Variants in GSAP observed in about 807,000 individuals in gnomAD.
The protein encoded by GSAP is gamma-secretase activating protein.
In GSAP, 118 loss-of-function variants were observed where a neutral mutation model predicts 131.7. The observed-to-expected ratio is 0.90, with a 90% confidence interval of 0.77 to 1.04. The LOEUF is 1.04. Among genes scored for constraint, GSAP ranks in the 50% least tolerant of loss-of-function variants. GSAP has a pLI of 0.00. For synonymous variants in GSAP, 381 were observed against 363.4 expected (o/e 1.05, Z -0.55); for missense variants, 1,019 against 1,013.2 (o/e 1.01, Z -0.08).
At position 77,360,842 on chromosome 7, in the gene GSAP, T is replaced by C; in HGVS notation, c.1009A>G (p.Ile337Val). 1 of 1,590,226 alleles carries C rather than the reference T, an allele frequency of 6.3e-7. No individual in the cohort carries two copies. The highest frequency in any genetic ancestry group is 1.3e-5 in the African/African-American group (1 of 74,248). The change falls in exon 14 of 31, where the codon ATT becomes GTT. Residue 337 changes from isoleucine (I) to valine (V), a missense_variant. Ile to Val is a conservative substitution (Grantham distance 29, BLOSUM62 3). Transcript: ENST00000257626. ...ENVGSHMTKGITFLNLDYYVA... is the reference protein window; with the variant it reads ...ENVGSHMTKGVTFLNLDYYVA... ...CACTCACCAAGGTTGAGAAAAGTAATGCCCTTTGTCATGTGTGACCCAACA... is the reference window on the plus strand; with the variant it reads ...CACTCACCAAGGTTGAGAAAAGTAACGCCCTTTGTCATGTGTGACCCAACA...
At chr7:77,378,628 T>C (rs964441741) in intron 8 of GSAP, among the ~76,000 whole-genome samples, 20 of 151,986 alleles carry the variant, frequency 1.3e-4, no homozygotes, top group African/African-American at 4.8e-4. Context: ...ATCAGGAGAT[T>C]CTAGAAACCA....
chr7:77,399,494 C>G (rs1583868625), intron 3 of GSAP, among the ~76,000 whole-genome samples: 1 of 152,150 alleles, frequency 6.6e-6, no homozygotes, highest in East Asian at 1.9e-4. Context: ...TGTATCCAAC[C>G]AGTTTAGGTC....
intron 23 of GSAP, among the ~76,000 whole-genome samples, chr7:77,324,221 G>A (rs1788023438): frequency 2.0e-5 from 3 of 152,308 alleles, no homozygotes; most frequent in East Asian, 3.9e-4. Context: ...CCTCTACACA[G>A]TGGCCACAGA....
At chr7:77,368,068 T>C (rs1316350959) in intron 12 of GSAP, among the ~76,000 whole-genome samples, 2 of 152,166 alleles carry the variant, frequency 1.3e-5, no homozygotes, top group Non-Finnish European at 2.9e-5. Flanking sequence ...CATTTCTAAT[T>C]GTGTTTATTT....
At chr7:77,340,931 C>T (rs1790819050) in intron 19 of GSAP, among the ~76,000 whole-genome samples, 1 of 152,108 alleles carries the variant, frequency 6.6e-6, no homozygotes, top group African/African-American at 2.4e-5. Context: ...CAACCTTCCA[C>T]CCTCCATTCC....
intron 1 of GSAP, among the ~76,000 whole-genome samples, chr7:77,409,000 C>G (rs1802806777): frequency 6.6e-6 from 1 of 152,098 alleles, no homozygotes; most frequent in African/African-American, 2.4e-5. Context: ...CTCTCTTCCC[C>G]ACCCCTCACA....
intron 16 of GSAP, among the ~76,000 whole-genome samples, chr7:77,354,095 G>C (rs147641314): frequency 1.3e-5 from 2 of 152,108 alleles, no homozygotes; most frequent in Non-Finnish European, 2.9e-5. Context: ...CCTCCTGAGG[G>C]AGGGATAATC....
At chr7:77,361,346 T>TA (rs1271555619) in intron 13 of GSAP, among the ~76,000 whole-genome samples, 1 of 152,198 alleles carries the variant, frequency 6.6e-6, no homozygotes, top group East Asian at 1.9e-4. Context: ...ATAACCTCAG[T>TA]ATATTGGCCT....
chr7:77,328,379 G>C, intron 22 of GSAP: 1 of 1,278,748 alleles, frequency 7.8e-7, no homozygotes, highest in East Asian at 3.1e-5. Flanking sequence ...ATCACCCAGG[G>C]ACTCCCATCG....
intron 17 of GSAP, 126 bp from the exon 18 acceptor site, chr7:77,353,152 A>C: frequency 1.6e-6 from 1 of 631,252 alleles, no homozygotes; most frequent in Admixed American, 2.7e-5. Flanking sequence ...CATCCTCAAA[A>C]CGGTAACCAT....
chr7:77,390,461 A>G (rs541826032), intron 5 of GSAP, among the ~76,000 whole-genome samples: 18 of 152,266 alleles, frequency 1.2e-4, no homozygotes, highest in Admixed American at 8.5e-4. Context: ...TAATTTTTGT[A>G]TAAGGTGTAA....
chr7:77,402,413 T>A lies in GSAP; in HGVS notation c.243+2146A>T, dbSNP rs779223544. Among the ~76,000 whole-genome samples the A allele has an allele frequency of 3.0e-3, 395 of 131,062 alleles. 1 individual carries two copies. Among genetic ancestry groups the A allele is most frequent in the African/African-American group, 5.5e-3 (184 of 33,198 alleles). The allele number at this position is 131,062 out of a possible 152,430, so 86.0% of individuals were successfully genotyped here. A position where few individuals can be genotyped will look rare whatever the true frequency, so the allele number is the denominator to read the frequency against. On this transcript the variant is annotated intron_variant, in intron 3 of 30. Transcript: ENST00000257626. ...AAAAAAAGAAAAAAGAAAAAAAAAA[T>A]ATATATATATACACACACACAGAAA...
At chr7:77,391,125 CAAAA>C (rs3083869) in intron 5 of GSAP, among the ~76,000 whole-genome samples, 200 of 65,110 alleles carry the variant, frequency 3.1e-3, no homozygotes, top group African/African-American at 0.01. Flanking sequence ...GGCTCCGTCT[CAAAA>C]AAAAAAAAAA....
intron 19 of GSAP, among the ~76,000 whole-genome samples, chr7:77,338,905 T>G (rs1205921781): frequency 2.6e-5 from 4 of 152,194 alleles, no homozygotes; most frequent in African/African-American, 9.7e-5. Flanking sequence ...GGAAGGTACC[T>G]ATTCAGTTCC....
chr7:77,411,427 G>A (rs1170042786), intron 1 of GSAP, among the ~76,000 whole-genome samples: 51 of 152,274 alleles, frequency 3.3e-4, no homozygotes, highest in African/African-American at 4.8e-5. Flanking sequence ...GATTAAGCAC[G>A]GGATACAAAA....
At chr7:77,396,834 T>C (rs1035442653) in intron 5 of GSAP, 148 bp downstream of exon 5, 2 of 501,074 alleles carry the variant, frequency 4.0e-6, no homozygotes, top group Non-Finnish European at 3.5e-6. Flanking sequence ...TTTAAGTCTT[T>C]TTCATGCTTG....
chr7:77,395,468 C>T (rs1341456843), intron 5 of GSAP, among the ~76,000 whole-genome samples: 3 of 152,178 alleles, frequency 2.0e-5, no homozygotes, highest in African/African-American at 7.2e-5. Context: ...ATTCCAGTTC[C>T]ATCTCCTCTG....
intron 1 of GSAP, 102 bp downstream of exon 1, chr7:77,416,103 CTTCTCAGG>C (rs1804389024): frequency 8.6e-6 from 5 of 582,722 alleles, no homozygotes; most frequent in Non-Finnish European, 1.1e-5. Context: ...TCGCACCAGC[CTTCTCAGG>C]GCGGCGACGC....
intron 1 of GSAP, among the ~76,000 whole-genome samples, chr7:77,406,511 C>A (rs1034773774): frequency 3.3e-5 from 5 of 152,180 alleles, no homozygotes; most frequent in Admixed American, 3.3e-4. Flanking sequence ...GTTATAGCCT[C>A]CTGTAGATTA....
Sources: allele counts gnomAD v4.1 joint callset (sites outside exome capture counted in the v4.1 genomes callset), GRCh38; gene constraint gnomAD v4.1.1; transcripts MANE v1.5; gene names NCBI Gene and HGNC (gene_info 2026-07-23, HGNC 2026-07-21).